RANBP10: variants seen among roughly 807,000 people sequenced by gnomAD.
RANBP10 encodes the protein RAN binding protein 10.
Under a neutral mutation model 72.8 loss-of-function variants are expected in RANBP10, and 24 were observed. The ratio of observed to expected loss-of-function variants is 0.33; its 90% CI spans 0.24 to 0.46. RANBP10 has a LOEUF of 0.46. RANBP10 is among the 20% of genes least tolerant of loss of function. The pLI is 1.00. For missense variants in RANBP10, 679 were observed against 817.5 expected, an observed-to-expected ratio of 0.83 and a Z score of 2.07; for synonymous variants, 310 against 322.3, an observed-to-expected ratio of 0.96 and a Z score of 0.41.
intron 2 of RANBP10, among the ~76,000 whole-genome samples, chr16:67,803,940 C>T (rs1233947323): frequency 6.6e-6 from 1 of 151,756 alleles, no homozygotes; most frequent in African/African-American, 2.4e-5. Flanking sequence ...AGATGCTGGC[C>T]TGGATCCTCA....
In RANBP10 at chr16:67,730,136, T is replaced by G; in HGVS notation, c.890-90A>C. ...GGATGCTGCCAGCCTCAGGGTAGGGTCCGGCTCAGAGTGCCTCGCCAGCTT... is the reference window on the plus strand; with the variant it reads ...GGATGCTGCCAGCCTCAGGGTAGGGGCCGGCTCAGAGTGCCTCGCCAGCTT... On this transcript the variant is annotated intron_variant, in intron 7 of 13. Transcript: ENST00000317506. This position sits in a 1 kb window ranked among gnomAD's most constrained non-coding sequence, Gnocchi z 4.3. The G allele has an allele frequency of 8.0e-7, 1 of 1,257,552 alleles. No individual in the cohort carries two copies. Among genetic ancestry groups the G allele is most frequent in the Non-Finnish European group, 1.1e-6 (1 of 883,660 alleles). The allele number at this position is 1,257,552 out of a possible 1,614,324, so 77.9% of individuals were successfully genotyped here.
Position 67,729,275 on chromosome 16 carries a change from G to A in RANBP10, c.1352+5C>T. On this transcript the variant is annotated splice_donor_5th_base_variant and intron_variant, in intron 10 of 13. Transcript: ENST00000317506. The surrounding 1 kb of genome is among the most constrained non-coding windows in gnomAD (Gnocchi z 7.1). Reference sequence around the variant, plus strand: ...GCAGAGGAGGAAGCAGAGCAAGGCAGGCACCTGGTCTCCTGGTTACTGGTA... The same window carrying A: ...GCAGAGGAGGAAGCAGAGCAAGGCAAGCACCTGGTCTCCTGGTTACTGGTA... 6.2e-7 allele frequency: 1 copy of A among 1,611,820 alleles called. No individual in the cohort carries two copies. Among genetic ancestry groups the A allele is most frequent in the Non-Finnish European group, 8.5e-7 (1 of 1,179,590 alleles).
chr16:67,745,761 T>C (rs959033764), intron 3 of RANBP10, among the ~76,000 whole-genome samples: 48 of 152,174 alleles, frequency 3.2e-4, no homozygotes, highest in African/African-American at 1.1e-3. Flanking sequence ...GGCTCATGCT[T>C]GTAATCCTAA....
rs149876935 is a variant in RANBP10, at chr16:67,776,461, CAA to C, written c.348-4377_348-4376del. On this transcript the variant is annotated intron_variant, in intron 2 of 13. Transcript: ENST00000317506. Reference sequence around the variant, plus strand: ...CGGACAACAGACACGGACTCCATCTCAAAAAAAAAAAAAAAAAAAAAAAAAGA... The same window carrying C: ...CGGACAACAGACACGGACTCCATCTCAAAAAAAAAAAAAAAAAAAAAAAGA... 5.5e-3 allele frequency among the ~76,000 whole-genome samples: 208 copies of C among 37,934 alleles called. 1 individual carries two copies. Among genetic ancestry groups the C allele is most frequent in the African/African-American group, 0.016 (169 of 10,564 alleles). 24.9% of individuals were successfully genotyped at this position (37,934 alleles called of 152,430 possible).
At chr16:67,766,218 C>A (rs556162164) in intron 3 of RANBP10, among the ~76,000 whole-genome samples, 1 of 152,318 alleles carries the variant, frequency 6.6e-6, no homozygotes, top group East Asian at 1.9e-4. Flanking sequence ...AATACCAGGA[C>A]CTTCATCTCT....
At position 67,730,196 on chromosome 16, in the gene RANBP10, C is replaced by CCAGT; in HGVS notation, c.890-151_890-150insACTG. On this transcript the variant is annotated intron_variant, in intron 7 of 13. Coordinates refer to ENST00000317506, the MANE Select transcript of RANBP10 (RefSeq NM_020850.3). The surrounding 1 kb of genome is among the most constrained non-coding windows in gnomAD (Gnocchi z 4.3). ...ACAGGAGAGGAGGCTGGAGAAAGAA[C>CCAGT]CTGACTGCCCAGCCCAACAGATCCT... 1 of 667,592 alleles carries CCAGT rather than the reference C, an allele frequency of 1.5e-6. No individual in the cohort carries two copies. Among genetic ancestry groups the CCAGT allele is most frequent in the South Asian group, 1.8e-5 (1 of 55,912 alleles). The allele number at this position is 667,592 out of a possible 1,614,324, so 41.4% of individuals were successfully genotyped here.
chr16:67,745,895 G>T (rs1283213679), intron 3 of RANBP10, among the ~76,000 whole-genome samples: 1 of 152,014 alleles, frequency 6.6e-6, no homozygotes, highest in African/African-American at 2.4e-5. Flanking sequence ...GGTGGCTCAC[G>T]TCTATAATCC....
chr16:67,763,779 C>T (rs1277058073), intron 3 of RANBP10, among the ~76,000 whole-genome samples: 2 of 152,204 alleles, frequency 1.3e-5, no homozygotes, highest in African/African-American at 4.8e-5. Flanking sequence ...ACTGCAACCT[C>T]CGCCTCCTGG....
intron 4 of RANBP10, chr16:67,739,986 T>G (rs1299485746): frequency 6.6e-6 from 1 of 152,072 alleles, no homozygotes; most frequent in Non-Finnish European, 1.5e-5. Context: ...AGCCCTCTCA[T>G]TTTTTAGATA....
rs865980706 is a variant in RANBP10, at chr16:67,730,512, T to A, written c.890-466A>T. On this transcript the variant is annotated intron_variant, in intron 7 of 13. Coordinates refer to ENST00000317506, the MANE Select transcript of RANBP10 (RefSeq NM_020850.3). This position sits in a 1 kb window ranked among gnomAD's most constrained non-coding sequence, Gnocchi z 4.3. ...TTCTGACCAGGGCTCTGGCTGGTGG[T>A]CTTCAGGGGCTGCAGCATGCCCCCT... is the stretch of plus-strand genomic sequence containing the variant. Among the ~76,000 whole-genome samples the A allele has an allele frequency of 9.9e-5, 15 of 152,256 alleles. No homozygotes were observed. The highest frequency in any genetic ancestry group is 4.2e-4 in the South Asian group (2 of 4,814).
At chr16:67,769,443 C>CAAAAAAAAAAAA (rs768960411) in intron 3 of RANBP10, among the ~76,000 whole-genome samples, 3,737 of 30,126 alleles carry the variant, frequency 0.12, 1,268 homozygotes, top group African/African-American at 0.16. Flanking sequence ...GACCCTGTCT[C>CAAAAAAAAAAAA]AAAAAAAAAA....
rs1033172243 is a variant in RANBP10, at chr16:67,782,462, T to A, written c.348-10376A>T. 1.6e-4 allele frequency among the ~76,000 whole-genome samples: 25 copies of A among 151,848 alleles called. 1 individual carries two copies. Among genetic ancestry groups the A allele is most frequent in the Non-Finnish European group, 2.9e-4 (20 of 67,952 alleles). ...TTTTATATTTTATTTTATTTTATTA[T>A]TTTTTTAGAGACGAAGTCTTGCTCT... On this transcript the variant is annotated intron_variant, in intron 2 of 13. Transcript: ENST00000317506.
Position 67,729,313 on chromosome 16 carries a change from T to C in RANBP10, c.1319A>G (p.Gln440Arg). The C allele has an allele frequency of 1.9e-6, 3 of 1,612,528 alleles. No homozygotes were observed. Among genetic ancestry groups the C allele is most frequent in the Non-Finnish European group, 2.5e-6 (3 of 1,179,624 alleles). Residue 440 changes from glutamine (Q) to arginine (R), a missense_variant, in exon 10 of 14, where the codon CAG becomes CGG. Gln to Arg is a conservative substitution (Grantham distance 43, BLOSUM62 1). Transcript: ENST00000317506. This position sits in a 1 kb window ranked among gnomAD's most constrained non-coding sequence, Gnocchi z 7.1. ...CTGGTTACTGGTACTGCTGTGGTGC[T>C]GGGACTTGGTGGAGTCTGTTGAGTT... The part of the protein sequence containing the change: ...ESNSTDSTKS[Q>R]HHSSTSNQET...
intron 3 of RANBP10, among the ~76,000 whole-genome samples, chr16:67,748,341 G>A (rs1445502313): frequency 4.0e-5 from 6 of 151,410 alleles, no homozygotes; most frequent in African/African-American, 1.5e-4. Context: ...CCAACATGGT[G>A]AAACCCTGTC....
chr16:67,766,181 T>TC (rs890621430), intron 3 of RANBP10, among the ~76,000 whole-genome samples: 3 of 152,190 alleles, frequency 2.0e-5, no homozygotes, highest in African/African-American at 7.2e-5. Context: ...TTAGCTGCTG[T>TC]CGTCTTCCAT....
At chr16:67,784,461 A>G (rs2054870915) in intron 2 of RANBP10, among the ~76,000 whole-genome samples, 1 of 152,192 alleles carries the variant, frequency 6.6e-6, no homozygotes, top group South Asian at 2.1e-4. Flanking sequence ...GTTTGAGACC[A>G]GCCTGACCAA....
intron 2 of RANBP10, among the ~76,000 whole-genome samples, chr16:67,791,601 C>A (rs1027294149): frequency 1.1e-4 from 17 of 152,222 alleles, no homozygotes; most frequent in African/African-American, 4.1e-4. Flanking sequence ...CACCAGTACC[C>A]CCAACCCTAG....
chr16:67,767,488 A>G (rs7191129), intron 3 of RANBP10, among the ~76,000 whole-genome samples: 41,263 of 142,330 alleles, frequency 0.29, 9,238 homozygotes, highest in African/African-American at 0.63. Context: ...AAAGCCAGGC[A>G]CTGTAACTCG....
At chr16:67,760,929 G>A (rs2054383863) in intron 3 of RANBP10, among the ~76,000 whole-genome samples, 1 of 152,100 alleles carries the variant, frequency 6.6e-6, no homozygotes, top group East Asian at 1.9e-4. Context: ...TGCCAAGCCT[G>A]GGAGACGCCC....
Sources: gnomAD v4.1 joint callset for allele counts (sites outside exome capture counted in the v4.1 genomes callset) on GRCh38, gnomAD v4.1.1 for gene constraint, Gnocchi (gnomAD v3.1) non-coding constraint, MANE v1.5 for transcripts, NCBI Gene and HGNC (gene_info 2026-07-23, HGNC 2026-07-21) for gene names.